RORA: variants seen among roughly 807,000 people sequenced by gnomAD.
RORA encodes the protein RAR related orphan receptor A.
In RORA, 7 loss-of-function variants were observed where a neutral mutation model predicts 69.5. The observed-to-expected ratio is 0.10, with a 90% CI of 0.06 to 0.19. The LOEUF is 0.19. Among genes scored for constraint, RORA ranks in the 10% least tolerant of loss-of-function variants. RORA has a pLI of 1.00. For missense variants in RORA, 457 were observed against 663.0 expected (o/e 0.69, Z 3.41); for synonymous variants, 261 against 240.8 (o/e 1.08, Z -0.78).
At chr15:60,789,035 G>T (rs1252748295) in intron 1 of RORA, among the ~76,000 whole-genome samples, 2 of 152,166 alleles carry the variant, frequency 1.3e-5, no homozygotes, top group Non-Finnish European at 2.9e-5. Flanking sequence ...ATCAAACAAG[G>T]CTCTTCAAAA....
At chr15:60,840,303 T>A (rs922316596) in intron 1 of RORA, among the ~76,000 whole-genome samples, 4 of 152,226 alleles carry the variant, frequency 2.6e-5, no homozygotes, top group Non-Finnish European at 4.4e-5. Flanking sequence ...TCAGCCAGTG[T>A]CCTCTGCACC....
chr15:60,624,471 C>CACATATATATATAT (rs2069509517), intron 2 of RORA, among the ~76,000 whole-genome samples: 1 of 73,580 alleles, frequency 1.4e-5, no homozygotes, highest in Non-Finnish European at 2.4e-5. Context: ...CCATTTGCTG[C>CACATATATATATAT]ATATATATAT....
chr15:60,634,612 C>T (rs2069803595), intron 2 of RORA, among the ~76,000 whole-genome samples: 1 of 152,010 alleles, frequency 6.6e-6, no homozygotes, highest in Non-Finnish European at 1.5e-5. Flanking sequence ...ACCATGTTGG[C>T]CAGGCTGGTC....
intron 2 of RORA, among the ~76,000 whole-genome samples, chr15:60,538,536 A>AT (rs57717332): frequency 0.071 from 10,738 of 152,212 alleles, 1,290 homozygotes; most frequent in African/African-American, 0.24. Flanking sequence ...ACACAGTACC[A>AT]TAATTCTCAT....
rs376142482 is a variant in RORA at position 60,540,574 on chromosome 15, C to CACGCCG, written c.197-8724_197-8723insCGGCGT. 4.9e-5 allele frequency among the ~76,000 whole-genome samples: 5 copies of CACGCCG among 102,646 alleles called. 1 individual carries two copies. The East Asian group carries it at 9.4e-4, about 19-fold the overall frequency. The allele number at this position is 102,646 out of a possible 152,430, so 67.3% of individuals were successfully genotyped here. On this transcript the variant is annotated intron_variant, in intron 2 of 10. Transcript: ENST00000335670. ...TGCACAATTTCCATGACCCCCCCCC[C>CACGCCG]CCAAAACTGTGCGGTCACAAAACCC...
chr15:61,033,578 C>G (rs1460635947), intron 1 of RORA, among the ~76,000 whole-genome samples: 1 of 152,152 alleles, frequency 6.6e-6, no homozygotes, highest in Non-Finnish European at 1.5e-5. Flanking sequence ...ATAAGACACT[C>G]AAGCCTACAG....
rs1016271438 is a variant in RORA, at chr15:61,142,645, T to C, written c.166+86408A>G. Among the ~76,000 whole-genome samples, 59 of 152,072 alleles carry C rather than the reference T, an allele frequency of 3.9e-4. 5 individuals are homozygous for C. ...CAGACAGAATCCACCAGTGCAATAATAGAATAAGATACCACCACCAAATAG... is the reference window on the plus strand; with the variant it reads ...CAGACAGAATCCACCAGTGCAATAACAGAATAAGATACCACCACCAAATAG... On this transcript the variant is annotated intron_variant, in intron 1 of 10. Transcript: ENST00000335670.
Position 61,202,300 on chromosome 15 carries a change from G to A in RORA, c.166+26753C>T, listed in dbSNP as rs550223200. Among the ~76,000 whole-genome samples the A allele has an allele frequency of 3.2e-4, 49 of 152,222 alleles. 2 individuals are homozygous for A. The highest frequency in any genetic ancestry group is 7.8e-4 in the Admixed American group (12 of 15,296). ...GCTGGGATTACAGGCATGAGACACT[G>A]CTCCCGGCCCAACCCTACTTGATCT... On this transcript the variant is annotated intron_variant, in intron 1 of 10. Transcript: ENST00000335670.
chr15:60,536,087 C>T (rs866667888), intron 2 of RORA, among the ~76,000 whole-genome samples: 3 of 152,198 alleles, frequency 2.0e-5, no homozygotes, highest in African/African-American at 7.2e-5. Flanking sequence ...TCACAAAATT[C>T]TGGTTAGAAT....
intron 2 of RORA, among the ~76,000 whole-genome samples, chr15:60,597,555 T>C (rs1380977807): frequency 0.01 from 267 of 25,474 alleles, 3 homozygotes; most frequent in Middle Eastern, 0.016. Flanking sequence ...ACACAACATA[T>C]ATATATATAT....
rs529760443 is a variant in RORA, at chr15:60,880,669, A to G, written c.167-201983T>C. ...CAATGAATTTCAACAACTTCATTTGATTCAACCTATTTTTCCCATTGTTAG... is the reference window on the plus strand; with the variant it reads ...CAATGAATTTCAACAACTTCATTTGGTTCAACCTATTTTTCCCATTGTTAG... On this transcript the variant is annotated intron_variant, in intron 1 of 10. Transcript: ENST00000335670. Among the ~76,000 whole-genome samples the G allele has an allele frequency of 1.6e-4, 24 of 152,300 alleles. 1 individual carries two copies. The highest frequency in any genetic ancestry group is 5.8e-4 in the African/African-American group (24 of 41,564).
chr15:60,770,726 G>A (rs2072061034), intron 1 of RORA, among the ~76,000 whole-genome samples: 1 of 152,210 alleles, frequency 6.6e-6, no homozygotes, highest in Non-Finnish European at 1.5e-5. Flanking sequence ...GGGCACAAGA[G>A]ATCCTCCTGC....
At chr15:61,175,981 T>C (rs2079626138) in intron 1 of RORA, 1 of 152,218 alleles carries the variant, frequency 6.6e-6, no homozygotes, top group Non-Finnish European at 1.5e-5. Flanking sequence ...CCTGCAAAGA[T>C]CACCAATGTC....
rs1407334603 is a variant in RORA, at chr15:61,061,049, T to G, written c.166+168004A>C. Among the ~76,000 whole-genome samples the G allele has an allele frequency of 6.6e-6, 1 of 152,156 alleles. No individual in the cohort carries two copies. The highest frequency in any genetic ancestry group is 1.5e-5 in the Non-Finnish European group (1 of 68,028). ...AGCTGCTGTTCTTCCTCCCTGGAATTTGGCATTAAAGGGCATTGCAAGGGC... is the reference window on the plus strand; with the variant it reads ...AGCTGCTGTTCTTCCTCCCTGGAATGTGGCATTAAAGGGCATTGCAAGGGC... On this transcript the variant is annotated intron_variant, in intron 1 of 10. Transcript: ENST00000335670. The surrounding 1 kb of genome is among the most constrained non-coding windows in gnomAD (Gnocchi z 4.4).
At chr15:60,597,799 T>C (rs1342408282) in intron 2 of RORA, among the ~76,000 whole-genome samples, 1 of 149,604 alleles carries the variant, frequency 6.7e-6, no homozygotes, top group African/African-American at 2.5e-5. Context: ...CCTGATGGAG[T>C]AGGAACTGAC....
intron 1 of RORA, among the ~76,000 whole-genome samples, chr15:60,774,808 G>A (rs1005585243): frequency 5.9e-5 from 9 of 152,328 alleles, no homozygotes; most frequent in East Asian, 5.8e-4. Flanking sequence ...AATTGAGGAC[G>A]AAAGCTTTCT....
At chr15:60,871,513 T>C (rs2073555923) in intron 1 of RORA, among the ~76,000 whole-genome samples, 2 of 152,248 alleles carry the variant, frequency 1.3e-5, no homozygotes, top group South Asian at 4.1e-4. Context: ...ATTCATCAAA[T>C]AAATATTAAT....
intron 1 of RORA, among the ~76,000 whole-genome samples, chr15:60,748,588 T>C (rs1425916740): frequency 6.6e-6 from 1 of 152,194 alleles, no homozygotes; most frequent in Non-Finnish European, 1.5e-5. Flanking sequence ...CCTGACCTTA[T>C]GACCTTATGA....
At chr15:61,100,553 G>C (rs1291071667) in intron 1 of RORA, among the ~76,000 whole-genome samples, 1 of 152,228 alleles carries the variant, frequency 6.6e-6, no homozygotes. Flanking sequence ...TCTGTGGCTA[G>C]AGAGGTCTCA....
Sources: gnomAD v4.1 joint callset for allele counts (sites outside exome capture counted in the v4.1 genomes callset) on GRCh38, gnomAD v4.1.1 for gene constraint, Gnocchi (gnomAD v3.1) non-coding constraint, MANE v1.5 for transcripts, NCBI Gene and HGNC (gene_info 2026-07-23, HGNC 2026-07-21) for gene names.